The following STPG2 variants were observed in gnomAD, a reference collection of about 807,000 sequenced individuals.
STPG2 encodes sperm tail PG-rich repeat containing 2.
A neutral mutation model predicts 54.2 loss-of-function variants in STPG2; 56 were observed. The observed-to-expected ratio is 1.03, with a 90% CI of 0.83 to 1.29. The LOEUF is 1.29. Among genes scored for constraint, STPG2 ranks in the 50% most tolerant of loss-of-function variants. The pLI, the probability that STPG2 is intolerant of heterozygous loss-of-function variation, is 0.00. For missense variants in STPG2, 596 were observed against 544.9 expected, an observed-to-expected ratio of 1.09 and a Z score of -0.93; for synonymous variants, 200 against 181.8, an observed-to-expected ratio of 1.10 and a Z score of -0.81.
At chr4:97,626,503 G>A (rs992560912) in intron 10 of STPG2, among the ~76,000 whole-genome samples, 3 of 152,080 alleles carry the variant, frequency 2.0e-5, no homozygotes, top group East Asian at 1.9e-4. Flanking sequence ...TATATCATAA[G>A]TTGGTAATTA....
At chr4:97,682,715 T>C (rs1353832557) in intron 10 of STPG2, among the ~76,000 whole-genome samples, 1 of 151,782 alleles carries the variant, frequency 6.6e-6, no homozygotes, top group Admixed American at 6.6e-5. Context: ...CATTATCAGA[T>C]GGGGAAACAG....
chr4:97,504,115 T>A (rs1254435336), intron 4 of STPG2, among the ~76,000 whole-genome samples: 1 of 145,744 alleles, frequency 6.9e-6, no homozygotes, highest in East Asian at 2.0e-4. Flanking sequence ...TAAATAAATA[T>A]TTATTTAAAT....
At chr4:97,956,709 A>C (rs1733688059) in intron 7 of STPG2, among the ~76,000 whole-genome samples, 1 of 152,182 alleles carries the variant, frequency 6.6e-6, no homozygotes, top group Non-Finnish European at 1.5e-5. Flanking sequence ...TGGATCCAGA[A>C]GAGACATAAC....
chr4:97,793,154 T>G lies in STPG2; in HGVS notation c.1204+47619A>C, dbSNP rs560214965. Among the ~76,000 whole-genome samples the G allele has an allele frequency of 9.2e-5, 14 of 152,042 alleles. No individual in the cohort carries two copies. In the South Asian group the frequency reaches 2.7e-3, roughly 29 times the overall value. On this transcript the variant is annotated intron_variant, in intron 9 of 10. Coordinates refer to ENST00000295268, the MANE Select transcript of STPG2 (RefSeq NM_174952.3). ...GGGCGACACCATCTCAAAAAAAAAG[T>G]CACTTTCGCAGTAAGACTTTCCTTG...
At chr4:98,088,075 G>A (rs28687737) in intron 5 of STPG2, among the ~76,000 whole-genome samples, 60,146 of 152,008 alleles carry the variant, frequency 0.4, 12,140 homozygotes, top group Middle Eastern at 0.46. Flanking sequence ...AAGAAAGTGA[G>A]CATTCAAGGT....
intron 9 of STPG2, among the ~76,000 whole-genome samples, chr4:97,773,103 T>C (rs1368027718): frequency 6.6e-6 from 1 of 152,190 alleles, no homozygotes. Flanking sequence ...AACATTTTTA[T>C]ATGCCTTTTC....
chr4:97,797,824 T>C (rs536398096), intron 9 of STPG2, among the ~76,000 whole-genome samples: 24 of 152,290 alleles, frequency 1.6e-4, no homozygotes, highest in African/African-American at 5.3e-4. Context: ...TCCTGGACTT[T>C]TTTTGGTTGG....
intron 4 of STPG2, among the ~76,000 whole-genome samples, chr4:97,553,105 T>C (rs2148868837): frequency 6.6e-6 from 1 of 152,332 alleles, no homozygotes; most frequent in Admixed American, 6.5e-5. Flanking sequence ...TCTCTAATTT[T>C]CTCTACTATG....
intron 9 of STPG2, among the ~76,000 whole-genome samples, chr4:97,782,551 CTT>C (rs1352382491): frequency 6.6e-6 from 1 of 152,192 alleles, no homozygotes; most frequent in African/African-American, 2.4e-5. Context: ...CTACCAATGA[CTT>C]TCTTCACAGA....
intron 10 of STPG2, among the ~76,000 whole-genome samples, chr4:97,641,016 A>C: frequency 6.6e-6 from 1 of 151,628 alleles, no homozygotes; most frequent in Non-Finnish European, 1.5e-5. Context: ...TGTCTATGTG[A>C]AACCTACTTT....
intron 9 of STPG2, among the ~76,000 whole-genome samples, chr4:97,816,772 C>A (rs1727925396): frequency 6.7e-6 from 1 of 149,148 alleles, no homozygotes; most frequent in South Asian, 2.1e-4. Context: ...CTTTTCTTTT[C>A]TTTTTCTTTC....
At chr4:97,735,253 G>T (rs1724942159) in intron 9 of STPG2, among the ~76,000 whole-genome samples, 1 of 151,488 alleles carries the variant, frequency 6.6e-6, no homozygotes, top group Admixed American at 6.6e-5. Context: ...GATATAATAG[G>T]TGTGTATCTA....
chr4:98,063,722 A>G (rs952028956), intron 5 of STPG2, among the ~76,000 whole-genome samples: 3 of 151,948 alleles, frequency 2.0e-5, no homozygotes, highest in African/African-American at 7.2e-5. Context: ...AAATAAAATA[A>G]TAATAACAAA....
intron 9 of STPG2, among the ~76,000 whole-genome samples, chr4:97,829,048 G>A (rs1323340784): frequency 6.6e-6 from 1 of 152,156 alleles, no homozygotes; most frequent in Non-Finnish European, 1.5e-5. Context: ...CTCCTCAACT[G>A]GGTGCCTGAC....
rs527306511 is a variant in STPG2 at position 97,477,753 on chromosome 4, G to A, written c.462+234946C>T. 2.0e-5 allele frequency among the ~76,000 whole-genome samples: 3 copies of A among 151,900 alleles called. 1 individual carries two copies. In the East Asian group the frequency reaches 5.8e-4, roughly 29 times the overall value. On this transcript the variant is annotated intron_variant, in intron 4 of 4. Coordinates refer to the STPG2 transcript ENST00000522676. Reference sequence around the variant, plus strand: ...GATCTGCCTGCCTTGGCCTCCCAAAGTGCTGGGATTACAGACGTGAGGAAC... The same window carrying A: ...GATCTGCCTGCCTTGGCCTCCCAAAATGCTGGGATTACAGACGTGAGGAAC...
intron 10 of STPG2, among the ~76,000 whole-genome samples, chr4:97,561,322 A>C (rs1301018077): frequency 6.6e-6 from 1 of 151,850 alleles, no homozygotes; most frequent in South Asian, 2.1e-4. Flanking sequence ...AATTTGTTTG[A>C]GTTCATTGTA....
chr4:97,531,179 G>A (rs1462027669), intron 4 of STPG2, among the ~76,000 whole-genome samples: 1 of 152,092 alleles, frequency 6.6e-6, no homozygotes, highest in African/African-American at 2.4e-5. Flanking sequence ...CAGTTAAAAT[G>A]GCTTTTATCC....
At chr4:98,069,250 T>A (rs953297755) in intron 5 of STPG2, among the ~76,000 whole-genome samples, 1 of 149,134 alleles carries the variant, frequency 6.7e-6, no homozygotes, top group Admixed American at 6.7e-5. Flanking sequence ...ATTCTATACA[T>A]AATTGAAAAG....
chr4:97,664,952 G>A (rs966213889), intron 10 of STPG2, among the ~76,000 whole-genome samples: 1 of 152,110 alleles, frequency 6.6e-6, no homozygotes, highest in African/African-American at 2.4e-5. Flanking sequence ...CAGGCAGGGA[G>A]GCTGGCTGCG....
Sources: allele counts gnomAD v4.1 joint callset (sites outside exome capture counted in the v4.1 genomes callset), GRCh38; gene constraint gnomAD v4.1.1; transcripts MANE v1.5; gene names NCBI Gene and HGNC (gene_info 2026-07-23, HGNC 2026-07-21).